TNXB: variants seen among roughly 807,000 people sequenced by gnomAD.
TNXB encodes the protein tenascin-X.
In TNXB, 183 loss-of-function variants were observed where a neutral mutation model predicts 340.5. The ratio of observed to expected loss-of-function variants is 0.54; its 90% CI spans 0.48 to 0.61. TNXB has a LOEUF of 0.61. Among genes scored for constraint, TNXB ranks in the 20% least tolerant of loss-of-function variants. The probability of loss-of-function intolerance (pLI) is 0.00; values close to 1 mark genes in which losing one functional copy is unlikely to be tolerated. For synonymous variants in TNXB, 2,121 were observed against 2,314.5 expected (o/e 0.92, Z 2.40); for missense variants, 4,613 against 5,446.4 (o/e 0.85, Z 4.82).
chr6:32,048,791 T>C, intron 28 of TNXB, 141 bp from the exon 29 acceptor site: 1 of 882,048 alleles, frequency 1.1e-6, no homozygotes, highest in South Asian at 4.1e-5. Context: ...TGCATTGCTG[T>C]AAGCAGCTCA....
rs1554321340 is a variant in TNXB, at chr6:32,067,183, G to GAAAGAAAGAA, written c.6544+477_6544+478insTTCTTTCTTT. 1.3e-5 allele frequency among the ~76,000 whole-genome samples: 2 copies of GAAAGAAAGAA among 150,618 alleles called. No homozygotes were observed. Among genetic ancestry groups the GAAAGAAAGAA allele is most frequent in the African/African-American group, 2.5e-5 (1 of 40,738 alleles). Reference sequence around the variant, plus strand: ...AGAAAGAAAGAAAGAAAGAAAGAAAGAAAACATTCTAGTGATTCTAGTGGA... The same window carrying GAAAGAAAGAA: ...AGAAAGAAAGAAAGAAAGAAAGAAAGAAAGAAAGAAAAAACATTCTAGTGATTCTAGTGGA... On this transcript the variant is annotated intron_variant, in intron 18 of 43. Transcript: ENST00000644971. The surrounding 1 kb of genome is among the most constrained non-coding windows in gnomAD (Gnocchi z 4.2).
chr6:32,104,418 C>T (rs1452059275), intron 1 of TNXB, among the ~76,000 whole-genome samples: 2 of 152,166 alleles, frequency 1.3e-5, no homozygotes, highest in East Asian at 3.8e-4. Context: ...CCATCCCCTC[C>T]CAGAATTCCC....
rs1779331860 is a variant in TNXB, at chr6:32,079,746, T to C, written c.4043-381A>G. On this transcript the variant is annotated intron_variant, in intron 10 of 43. Coordinates refer to ENST00000644971, the MANE Select transcript of TNXB (RefSeq NM_001365276.2). The surrounding 1 kb of genome is among the most constrained non-coding windows in gnomAD (Gnocchi z 7.1). ...CACCCCTCATATGAGGATCTGACCA[T>C]GGAATGTGCTCTTGCTGTGGCCTCC... 6.6e-6 allele frequency among the ~76,000 whole-genome samples: 1 copy of C among 152,180 alleles called. No homozygotes were observed. Among genetic ancestry groups the C allele is most frequent in the Non-Finnish European group, 1.5e-5 (1 of 68,014 alleles).
In TNXB at chr6:32,095,997, C is replaced by T. The variant is rs775679900; in HGVS notation, c.1856G>A (p.Arg619His). Residue 619 changes from arginine (R) to histidine (H), a missense_variant, in exon 3 of 44, where the codon CGC becomes CAC. Physicochemically the swap from Arg to His is conservative, Grantham distance 29 (BLOSUM62 0). Transcript: ENST00000644971. ...CCCGTGGCAGTTGGAGGGGCAGGTG[C>T]GGATGCTGCAGTCCTCACTCACGTA... ...EGYVSEDCSI[R>H]TCPSNCHGRG... is the part of the protein sequence containing the mutation. 6 of 1,612,928 alleles carry T rather than the reference C, an allele frequency of 3.7e-6. No individual in the cohort carries two copies. The highest frequency in any genetic ancestry group is 2.7e-5 in the African/African-American group (2 of 75,050).
rs774592301 is a variant in TNXB at position 32,050,019 on chromosome 6, C to T, written c.9418G>A (p.Val3140Met). The part of the protein sequence containing the change: ...GFHGGQRVGP[V>M]SAIGVTEEET... ...TCACCCGTCACCCCAATGGCAGACA[C>T]AGGGCCTACGCGCTGGCCACCGTGG... is the stretch of plus-strand genomic sequence containing the variant. Residue 3140 changes from valine (V) to methionine (M), a missense_variant, in exon 27 of 44, where the codon GTG becomes ATG. This residue lies in a region of TNXB where 4,327 missense variants were observed against 4,859.4 expected (regional missense o/e 0.89). Coordinates refer to ENST00000644971, the MANE Select transcript of TNXB (RefSeq NM_001365276.2). 32 of 1,613,722 alleles carry T rather than the reference C, an allele frequency of 2.0e-5. No individual in the cohort carries two copies. The highest frequency in any genetic ancestry group is 2.7e-5 in the African/African-American group (2 of 74,934).
chr6:32,048,443 G>A lies in TNXB; in HGVS notation c.9965C>T (p.Pro3322Leu), dbSNP rs367901948. 3.8e-6 allele frequency: 6 copies of A among 1,576,966 alleles called. No homozygotes were observed. The highest frequency in any genetic ancestry group is 2.3e-5 in the East Asian group (1 of 44,272). ...LRAVAVSGLD[P>L]ARKYKFLLFG... ...GAGCAGGAACTTGTACTTGCGGGCC[G>A]GGTCCAGCCCCGAGACGGCGACCGC... The change falls in exon 29 of 44, where the codon CCG becomes CTG. Residue 3322 changes from proline (P) to leucine (L), a missense_variant. Physicochemically the swap from Pro to Leu is moderately conservative, Grantham distance 98. Transcript: ENST00000644971.
rs1162525507 is a variant in TNXB, at chr6:32,081,663, C to T, written c.3747G>A (p.Arg1249=). The part of the protein sequence containing the change: ...LTADGTTAPE[R]KEEPPRPEFL... The stretch of plus-strand genomic sequence containing the variant: ...ACTCAGGGCGGGGGGGCTCCTCTTT[C>T]CTCTCTGGAGCTGTAAACAAGGAGA... Residue 1249 remains arginine (R), a synonymous_variant, in exon 10 of 44, where the codon AGG becomes AGA. Transcript: ENST00000644971. The surrounding 1 kb of genome is among the most constrained non-coding windows in gnomAD (Gnocchi z 5.1). The T allele has an allele frequency of 1.3e-6, 2 of 1,583,656 alleles. No individual in the cohort carries two copies.
chr6:32,078,792 A>C (rs1779259515), intron 11 of TNXB, among the ~76,000 whole-genome samples: 1 of 152,220 alleles, frequency 6.6e-6, no homozygotes, highest in Non-Finnish European at 1.5e-5. Context: ...AACCCTCACA[A>C]TAACTCTGTG....
chr6:32,043,605 C>G, intron 35 of TNXB, 49 bp from the exon 36 acceptor site: 1 of 1,284,696 alleles, frequency 7.8e-7, no homozygotes, highest in Non-Finnish European at 1.1e-6. Flanking sequence ...TCTCTCTACT[C>G]CGTGCCTCCC....
chr6:32,100,638 ATTAC>A (rs1780668836), intron 1 of TNXB, among the ~76,000 whole-genome samples: 1 of 151,878 alleles, frequency 6.6e-6, no homozygotes, highest in African/African-American at 2.4e-5. Flanking sequence ...AGGTGGGAGG[ATTAC>A]TTGAGTCTGG....
At position 32,056,000 on chromosome 6, in the gene TNXB, C is replaced by T. The variant is rs1484390660; in HGVS notation, c.8318G>A (p.Arg2773Lys). 6.2e-7 allele frequency: 1 copy of T among 1,613,380 alleles called. No homozygotes were observed. Among genetic ancestry groups the T allele is most frequent in the South Asian group, 1.1e-5 (1 of 91,082 alleles). ...FDSFTVQYKD[R>K]DGRPQVMRVR... ...ACGCATCACCTGGGGCCGCCCGTCC[C>T]TGTCCTTGTACTGCACGGTGAAGGA... is the stretch of plus-strand genomic sequence containing the variant. Residue 2773 changes from arginine to lysine, a missense_variant, in exon 24 of 44, where the codon AGG becomes AAG. By Grantham distance (26) the Arg-to-Lys change is conservative. Around this residue, in one of 7 missense-constraint regions of TNXB, gnomAD observed 4,327 missense variants for 4,859.4 expected, o/e 0.89. Coordinates refer to ENST00000644971, the MANE Select transcript of TNXB (RefSeq NM_001365276.2).
chr6:32,096,158 G>A lies in TNXB; in HGVS notation c.1695C>T (p.Gly565=). The part of the protein sequence containing the change: ...STRSCPGGCR[G]RGQCLDGRCV... ...ACCGCCCATCTAGGCACTGGCCGCGGCCTCGGCAGCCCCCGGGGCAGCTGC... is the reference window on the plus strand; with the variant it reads ...ACCGCCCATCTAGGCACTGGCCGCGACCTCGGCAGCCCCCGGGGCAGCTGC... The change falls in exon 3 of 44, where the codon GGC becomes GGT. Residue 565 remains glycine, a synonymous_variant. Transcript: ENST00000644971. The A allele has an allele frequency of 1.3e-6, 2 of 1,582,468 alleles. No individual in the cohort carries two copies. Among genetic ancestry groups the A allele is most frequent in the Non-Finnish European group, 1.7e-6 (2 of 1,166,576 alleles).
Position 32,096,755 on chromosome 6 carries a change from C to T in TNXB, c.1098G>A (p.Glu366=). The part of the protein sequence containing the change: ...RCVCWPGYTG[E]DCSTRTCPRD... Reference sequence around the variant, plus strand: ...TCGGACATGTCCGCGTGCTGCAGTCCTCGCCTGTGTACCCGGGCCAGCACA... The same window carrying T: ...TCGGACATGTCCGCGTGCTGCAGTCTTCGCCTGTGTACCCGGGCCAGCACA... The change falls in exon 3 of 44, where the codon GAG becomes GAA. Residue 366 remains glutamate (E), a synonymous_variant. Coordinates refer to ENST00000644971, the MANE Select transcript of TNXB (RefSeq NM_001365276.2). 1.9e-6 allele frequency: 3 copies of T among 1,554,910 alleles called. No homozygotes were observed. Among genetic ancestry groups the T allele is most frequent in the Non-Finnish European group, 2.6e-6 (3 of 1,151,736 alleles).
Position 32,096,508 on chromosome 6 carries a change from C to G in TNXB, c.1345G>C (p.Val449Leu), listed in dbSNP as rs1351160342. 6.3e-7 allele frequency: 1 copy of G among 1,599,522 alleles called. No individual in the cohort carries two copies. The change falls in exon 3 of 44, where the codon GTG becomes CTG. Residue 449 changes from valine to leucine, a missense_variant. Physicochemically the swap from Val to Leu is conservative, Grantham distance 32. Around this residue, in one of 7 missense-constraint regions of TNXB, gnomAD observed 4,327 missense variants for 4,859.4 expected, o/e 0.89. Coordinates refer to ENST00000644971, the MANE Select transcript of TNXB (RefSeq NM_001365276.2). Reference sequence around the variant, plus strand: ...CTGTAGCCCGCATTGCAAACACACACGCCGTTCTCGCAGCGCCCGCGACCT... The same window carrying G: ...CTGTAGCCCGCATTGCAAACACACAGGCCGTTCTCGCAGCGCCCGCGACCT... Reference protein sequence around the residue: ...CRGRGRCENGVCVCNAGYSGE... With the variant: ...CRGRGRCENGLCVCNAGYSGE...
Position 32,097,313 on chromosome 6 carries a change from T to C in TNXB, c.540A>G (p.Pro180=). ...PTDAEIPPSS[P]PSASGSCPDD... is the part of the protein sequence containing the mutation. ...CTGGGCAGGACCCCGAGGCTGAGGG[T>C]GGGGAAGAGGGAGGGATCTCAGCAT... Residue 180 remains proline (P), a synonymous_variant, in exon 3 of 44, where the codon CCA becomes CCG. Transcript: ENST00000644971. The surrounding 1 kb of genome is among the most constrained non-coding windows in gnomAD (Gnocchi z 5.9). 1.2e-6 allele frequency: 2 copies of C among 1,612,900 alleles called. No homozygotes were observed. Among genetic ancestry groups the C allele is most frequent in the Non-Finnish European group, 8.5e-7 (1 of 1,179,644 alleles).
At position 32,062,489 on chromosome 6, in the gene TNXB, T is replaced by G; in HGVS notation, c.6842-6A>C. Reference sequence around the variant, plus strand: ...TTCTTCATCCTTTCCTGGGGCTGCATCAGAAAATAGAATGGGTGGGCATGC... The same window carrying G: ...TTCTTCATCCTTTCCTGGGGCTGCAGCAGAAAATAGAATGGGTGGGCATGC... On this transcript the variant is annotated splice_region_variant and splice_polypyrimidine_tract_variant and intron_variant, in intron 19 of 43. Transcript: ENST00000644971. This position sits in a 1 kb window ranked among gnomAD's most constrained non-coding sequence, Gnocchi z 4.3. 6.3e-7 allele frequency: 1 copy of G among 1,593,842 alleles called. No homozygotes were observed.
At chr6:32,101,077 CAAAAAAA>C (rs35800696) in intron 1 of TNXB, among the ~76,000 whole-genome samples, 2 of 46,962 alleles carry the variant, frequency 4.3e-5, no homozygotes, top group African/African-American at 9.2e-5. Flanking sequence ...AACTCCATCT[CAAAAAAA>C]AAAAAAAAAA....
At position 32,079,240 on chromosome 6, in the gene TNXB, G is replaced by A. The variant is rs781521699; in HGVS notation, c.4168C>T (p.Leu1390Phe). 1 of 1,613,794 alleles carries A rather than the reference G, an allele frequency of 6.2e-7. No individual in the cohort carries two copies. Among genetic ancestry groups the A allele is most frequent in the South Asian group, 1.1e-5 (1 of 91,088 alleles). ...VTGSSPDSLS[L>F]FWTVPQGSFD... ...CTGCCCTGGGGGACGGTCCAGAAGAGGCTCAGCGAATCAGGGGAGGATCCT... is the reference window on the plus strand; with the variant it reads ...CTGCCCTGGGGGACGGTCCAGAAGAAGCTCAGCGAATCAGGGGAGGATCCT... The change falls in exon 11 of 44, where the codon CTC becomes TTC. Residue 1390 changes from leucine (L) to phenylalanine (F), a missense_variant. Physicochemically the swap from Leu to Phe is conservative, Grantham distance 22 (BLOSUM62 0). This residue lies in a region of TNXB where 4,327 missense variants were observed against 4,859.4 expected (regional missense o/e 0.89). Coordinates refer to ENST00000644971, the MANE Select transcript of TNXB (RefSeq NM_001365276.2). The surrounding 1 kb of genome is among the most constrained non-coding windows in gnomAD (Gnocchi z 7.1).
chr6:32,096,825 G>C lies in TNXB; in HGVS notation c.1028C>G (p.Pro343Arg). Reference protein sequence around the residue: ...TGEDCGTRSCPWDCGEGGRCV... With the variant: ...TGEDCGTRSCRWDCGEGGRCV... ...GCGCCCGCCCTCGCCACAGTCCCAG[G>C]GGCAGCTCCGCGTACCACAGTCCTC... Residue 343 changes from proline (P) to arginine (R), a missense_variant, in exon 3 of 44, where the codon CCC becomes CGC. By Grantham distance (103) the Pro-to-Arg change is moderately radical (BLOSUM62 -2). Around this residue, in one of 7 missense-constraint regions of TNXB, gnomAD observed 4,327 missense variants for 4,859.4 expected, o/e 0.89. Transcript: ENST00000644971. 1 of 1,600,212 alleles carries C rather than the reference G, an allele frequency of 6.2e-7. No individual in the cohort carries two copies. The highest frequency in any genetic ancestry group is 8.5e-7 in the Non-Finnish European group (1 of 1,174,536).
Sources: allele counts gnomAD v4.1 joint callset (sites outside exome capture counted in the v4.1 genomes callset), GRCh38; gene constraint gnomAD v4.1.1; regional missense constraint gnomAD v4.1.1; non-coding constraint Gnocchi (gnomAD v3.1); transcripts MANE v1.5; gene names NCBI Gene and HGNC (gene_info 2026-07-23, HGNC 2026-07-21).